UNC13C: variants seen among roughly 807,000 people sequenced by gnomAD.
UNC13C encodes unc-13 homolog C.
A neutral mutation model predicts 245.4 loss-of-function variants in UNC13C; 174 were observed. The ratio of observed to expected loss-of-function variants is 0.71; its 90% confidence interval spans 0.63 to 0.80. UNC13C has a LOEUF of 0.80. Among genes scored for constraint, UNC13C ranks in the 30% least tolerant of loss-of-function variants. The pLI is 0.00. For missense variants in UNC13C, 2,829 were observed against 2,602.9 expected, an observed-to-expected ratio of 1.09 and a Z score of -1.89; for synonymous variants, 992 against 895.1, an observed-to-expected ratio of 1.11 and a Z score of -1.93.
intron 26 of UNC13C, among the ~76,000 whole-genome samples, chr15:54,534,549 A>C (rs1473571231): frequency 2.0e-5 from 3 of 152,168 alleles, no homozygotes; most frequent in African/African-American, 7.2e-5. Context: ...CCTCCAAACA[A>C]CCACACTAGC....
chr15:53,967,575 C>T, the UNC13C span, among the ~76,000 whole-genome samples: 1 of 152,050 alleles, frequency 6.6e-6, no homozygotes, highest in East Asian at 1.9e-4. Flanking sequence ...TAAGAATATC[C>T]TCTCAAGGAC....
chr15:54,454,280 G>A (rs998895310), intron 19 of UNC13C, among the ~76,000 whole-genome samples: 14 of 152,160 alleles, frequency 9.2e-5, no homozygotes, highest in African/African-American at 3.1e-4. Context: ...TGTACCCAGT[G>A]AACAATAACT....
At chr15:54,255,007 C>T (rs760781767) in intron 8 of UNC13C, among the ~76,000 whole-genome samples, 15 of 152,212 alleles carry the variant, frequency 9.9e-5, no homozygotes, top group Non-Finnish European at 2.1e-4. Flanking sequence ...CCTTGCAGGG[C>T]GTGTGATGGG....
At chr15:54,267,559 C>T (rs1005821452) in intron 10 of UNC13C, among the ~76,000 whole-genome samples, 1 of 152,136 alleles carries the variant, frequency 6.6e-6, no homozygotes, top group South Asian at 2.1e-4. Context: ...ATTTCTGTAT[C>T]TATTGAGATG....
intron 4 of UNC13C, among the ~76,000 whole-genome samples, chr15:54,205,352 T>C (rs919418360): frequency 2.6e-5 from 4 of 152,138 alleles, no homozygotes; most frequent in African/African-American, 4.8e-5. Context: ...TTCTGTGCTA[T>C]CCTAAAAGAC....
At chr15:53,984,602 A>G (rs56104040) in intron 1 of UNC13C, among the ~76,000 whole-genome samples, 15,375 of 152,170 alleles carry the variant, frequency 0.1, 1,230 homozygotes, top group East Asian at 0.28. Flanking sequence ...AAGTTAAATA[A>G]TATAAAGGAA....
chr15:54,224,288 T>A (rs2035311647), intron 4 of UNC13C, among the ~76,000 whole-genome samples: 1 of 152,124 alleles, frequency 6.6e-6, no homozygotes, highest in Non-Finnish European at 1.5e-5. Flanking sequence ...TTTTGGCACT[T>A]TTAATGTGTT....
At chr15:53,872,462 C>T in the UNC13C span, among the ~76,000 whole-genome samples, 1 of 152,120 alleles carries the variant, frequency 6.6e-6, no homozygotes, top group Non-Finnish European at 1.5e-5. Flanking sequence ...TTTATTCTTA[C>T]TCCCTAGATT....
At chr15:54,200,706 C>T (rs1476260677) in intron 4 of UNC13C, among the ~76,000 whole-genome samples, 1 of 151,812 alleles carries the variant, frequency 6.6e-6, no homozygotes, top group Non-Finnish European at 1.5e-5. Flanking sequence ...CATTAAATGC[C>T]AACATCAAGA....
intron 2 of UNC13C, among the ~76,000 whole-genome samples, chr15:54,090,029 A>G (rs1899478400): frequency 6.6e-6 from 1 of 152,166 alleles, no homozygotes; most frequent in South Asian, 2.1e-4. Context: ...TGGGGCTCAC[A>G]TGTGTTTCCT....
chr15:54,215,913 T>A (rs2035025451), intron 4 of UNC13C, among the ~76,000 whole-genome samples: 1 of 152,016 alleles, frequency 6.6e-6, no homozygotes, highest in African/African-American at 2.4e-5. Context: ...CTACAGAAGA[T>A]AGATGCAGCC....
chr15:54,147,020 C>T (rs889853825), intron 4 of UNC13C, among the ~76,000 whole-genome samples: 4 of 152,140 alleles, frequency 2.6e-5, no homozygotes, highest in Non-Finnish European at 4.4e-5. Context: ...GCTCTATTAT[C>T]TCCACCAAGT....
intron 2 of UNC13C, among the ~76,000 whole-genome samples, chr15:54,030,692 G>C (rs556631087): frequency 2.2e-4 from 34 of 152,264 alleles, no homozygotes; most frequent in Admixed American, 7.8e-4. Flanking sequence ...CAGAGGTTGG[G>C]AAGTTTAAGT....
intron 17 of UNC13C, among the ~76,000 whole-genome samples, chr15:54,385,172 G>T (rs931057935): frequency 6.6e-6 from 1 of 152,024 alleles, no homozygotes. Flanking sequence ...TATTCACAAA[G>T]AATAGTGGAA....
At chr15:54,431,279 G>C (rs1488868846) in intron 19 of UNC13C, among the ~76,000 whole-genome samples, 1 of 151,674 alleles carries the variant, frequency 6.6e-6, no homozygotes, top group Non-Finnish European at 1.5e-5. Context: ...CATATTGGGG[G>C]ATCATCTCTG....
chr15:53,864,043 A>G, the UNC13C span, among the ~76,000 whole-genome samples: 1 of 152,120 alleles, frequency 6.6e-6, no homozygotes, highest in Admixed American at 6.6e-5. Context: ...GTCCTTGTAC[A>G]TACACTTTTT....
At chr15:54,351,185 A>G (rs2038974542) in intron 17 of UNC13C, among the ~76,000 whole-genome samples, 1 of 152,058 alleles carries the variant, frequency 6.6e-6, no homozygotes, top group African/African-American at 2.4e-5. Flanking sequence ...TGACTCTAGT[A>G]TTTCCCAAAT....
intron 2 of UNC13C, among the ~76,000 whole-genome samples, chr15:54,021,797 T>C (rs1488938410): frequency 3.9e-5 from 6 of 152,220 alleles, no homozygotes; most frequent in Admixed American, 3.9e-4. Flanking sequence ...AATACTGTAT[T>C]TTTACTGTAC....
At chr15:54,125,403 C>T (rs1257923333) in intron 2 of UNC13C, among the ~76,000 whole-genome samples, 6 of 152,064 alleles carry the variant, frequency 3.9e-5, no homozygotes, top group East Asian at 1.9e-4. Flanking sequence ...ACGGAGGTTG[C>T]GGTGAACTGA....
Sources: allele counts gnomAD v4.1 joint callset (sites outside exome capture counted in the v4.1 genomes callset), GRCh38; gene constraint gnomAD v4.1.1; transcripts MANE v1.5; gene names NCBI Gene and HGNC (gene_info 2026-07-23, HGNC 2026-07-21).